The following TJP1 variants were observed in gnomAD, a reference collection of about 807,000 sequenced individuals.
TJP1 encodes the protein tight junction protein 1.
TJP1 carries 43 observed loss-of-function variants against 194.2 expected under a neutral mutation model. The observed-to-expected ratio is 0.22, with a 90% CI of 0.17 to 0.29. The LOEUF (loss-of-function observed/expected upper bound fraction) is 0.29, where lower values mean the gene tolerates loss of function less well. Ranked by LOEUF, TJP1 falls within the 10% of genes least tolerant of loss-of-function variation. The pLI is 1.00. For synonymous variants in TJP1, 801 were observed against 779.0 expected (o/e 1.03, Z -0.47); for missense variants, 1,971 against 2,185.7 (o/e 0.90, Z 1.96).
chr15:29,719,665 G>C (rs2042807035), intron 20 of TJP1, 112 bp downstream of exon 20: 1 of 1,365,834 alleles, frequency 7.3e-7, no homozygotes, highest in Middle Eastern at 1.9e-4. Context: ...GCATTACAGT[G>C]TATAAGCCTG....
intron 2 of TJP1, among the ~76,000 whole-genome samples, chr15:29,793,022 T>C (rs1336369509): frequency 6.6e-6 from 1 of 152,198 alleles, no homozygotes; most frequent in Non-Finnish European, 1.5e-5. Flanking sequence ...AGTCCTTAGG[T>C]TTTTCTAAAT....
Position 29,720,726 on chromosome 15 carries a change from A to G in TJP1, c.2413-18T>C, listed in dbSNP as rs748409791. 1.9e-6 allele frequency: 3 copies of G among 1,548,586 alleles called. 1 individual carries two copies. In the South Asian group the frequency reaches 3.7e-5, roughly 19 times the overall value. On this transcript the variant is annotated intron_variant, in intron 18 of 27. Coordinates refer to ENST00000614355, the MANE Select transcript of TJP1 (RefSeq NM_001330239.4). ...CCATCCGCCTGGGTCAAATAAAAGT[A>G]AATTACAAATTTTATTCAGTAGTTC...
upstream of TJP1, among the ~76,000 whole-genome samples, chr15:29,825,702 C>T (rs897339458): frequency 1.3e-5 from 2 of 152,006 alleles, no homozygotes; most frequent in African/African-American, 4.8e-5. Context: ...TATTTATTTA[C>T]GGTAGTGAAG....
intron 2 of TJP1, among the ~76,000 whole-genome samples, chr15:29,921,655 G>T (rs558124898): frequency 6.6e-6 from 1 of 152,172 alleles, no homozygotes; most frequent in South Asian, 2.1e-4. Context: ...CATCTTCCCG[G>T]ATAGCTCAGT....
Position 29,710,914 on chromosome 15 carries a change from G to A in TJP1, c.4289C>T (p.Pro1430Leu). The A allele has an allele frequency of 6.2e-7, 1 of 1,614,164 alleles. No individual in the cohort carries two copies. The highest frequency in any genetic ancestry group is 8.5e-7 in the Non-Finnish European group (1 of 1,180,024). ...TGGCTGGGCATACTGCGAGGGCAATGGAGGAGGAGGGGGAGTGGCCTGGAT... is the reference window on the plus strand; with the variant it reads ...TGGCTGGGCATACTGCGAGGGCAATAGAGGAGGAGGGGGAGTGGCCTGGAT... The part of the protein sequence containing the change: ...EPIQATPPPP[P>L]LPSQYAQPSQ... Residue 1430 changes from proline to leucine, a missense_variant, in exon 24 of 28, where the codon CCA becomes CTA. Around this residue, in one of 5 missense-constraint regions of TJP1, gnomAD observed 1,108 missense variants for 1,128.5 expected, o/e 0.98. Coordinates refer to ENST00000614355, the MANE Select transcript of TJP1 (RefSeq NM_001330239.4).
chr15:29,791,649 T>G lies in TJP1; in HGVS notation c.84+8997A>C, dbSNP rs1241146978. Among the ~76,000 whole-genome samples, 4 of 151,892 alleles carry G rather than the reference T, an allele frequency of 2.6e-5. No individual in the cohort carries two copies. The East Asian group carries it at 7.7e-4, about 29-fold the overall frequency. On this transcript the variant is annotated intron_variant, in intron 2 of 27. Coordinates refer to ENST00000614355, the MANE Select transcript of TJP1 (RefSeq NM_001330239.4). The stretch of plus-strand genomic sequence containing the variant: ...ACTTCATGACCCACCCACCTCGGCC[T>G]CCCAAAGTGCTGGGATTACAGGCGT...
At chr15:29,713,440 C>G (rs1057339083) in intron 23 of TJP1, among the ~76,000 whole-genome samples, 1 of 152,162 alleles carries the variant, frequency 6.6e-6, no homozygotes, top group African/African-American at 2.4e-5. Context: ...GGCATCTGTC[C>G]TGTGCTAACA....
intron 1 of TJP1, among the ~76,000 whole-genome samples, chr15:29,802,231 C>T (rs1156585613): frequency 1.3e-5 from 2 of 152,130 alleles, no homozygotes; most frequent in Non-Finnish European, 2.9e-5. Flanking sequence ...ACTATAAATG[C>T]CTATTTCATA....
chr15:29,898,924 A>G (rs752668418), intron 2 of TJP1, among the ~76,000 whole-genome samples: 1 of 152,234 alleles, frequency 6.6e-6, no homozygotes, highest in Non-Finnish European at 1.5e-5. Flanking sequence ...TAGATAACAG[A>G]GAAACTAAAA....
Position 29,748,105 on chromosome 15 carries a change from T to C in TJP1, c.1011-5324A>G, listed in dbSNP as rs555821702. Among the ~76,000 whole-genome samples, 3 of 152,308 alleles carry C rather than the reference T, an allele frequency of 2.0e-5. No individual in the cohort carries two copies. The South Asian group carries it at 6.2e-4, about 32-fold the overall frequency. ...AGTACTGTTTAAGAGAATTATAAAA[T>C]GAGCTGCTTACGTAATTAAAAATTT... On this transcript the variant is annotated intron_variant, in intron 8 of 27. Transcript: ENST00000614355.
intron 8 of TJP1, among the ~76,000 whole-genome samples, chr15:29,760,619 C>T (rs1051886574): frequency 7.9e-5 from 12 of 152,056 alleles, no homozygotes; most frequent in African/African-American, 2.4e-4. Flanking sequence ...TCAAGTGATC[C>T]GCCTGCCTCG....
At chr15:29,710,102 C>T (rs965893528) in intron 24 of TJP1, among the ~76,000 whole-genome samples, 7 of 151,592 alleles carry the variant, frequency 4.6e-5, no homozygotes, top group South Asian at 2.1e-4. Flanking sequence ...GCTGAGACTG[C>T]GCCACTGCAC....
intron 24 of TJP1, among the ~76,000 whole-genome samples, chr15:29,710,183 G>T (rs541419648): frequency 3.3e-5 from 5 of 151,988 alleles, no homozygotes; most frequent in Non-Finnish European, 7.4e-5. Context: ...CATAAGGACT[G>T]GAAAGTAAGA....
intron 2 of TJP1, among the ~76,000 whole-genome samples, chr15:29,781,596 A>T (rs1341500140): frequency 6.6e-6 from 1 of 152,242 alleles, no homozygotes; most frequent in Non-Finnish European, 1.5e-5. Context: ...ATCCAGCAGC[A>T]TATTAAAAAG....
chr15:29,706,590 C>T (rs980849578), intron 25 of TJP1, among the ~76,000 whole-genome samples: 2 of 152,152 alleles, frequency 1.3e-5, no homozygotes, highest in African/African-American at 4.8e-5. Flanking sequence ...TTTTATGAAG[C>T]ACATTTTAAA....
intron 2 of TJP1, among the ~76,000 whole-genome samples, chr15:29,923,981 T>G (rs540748024): frequency 6.6e-6 from 1 of 152,382 alleles, no homozygotes; most frequent in Non-Finnish European, 1.5e-5. Flanking sequence ...TATATTCATT[T>G]GTTACTCCAC....
chr15:29,759,909 T>A, intron 8 of TJP1: 1 of 339,890 alleles, frequency 2.9e-6, no homozygotes. Flanking sequence ...TTGTGAATAA[T>A]GCTGCAACAA....
At chr15:29,753,339 C>T (rs2151456195) in intron 8 of TJP1, among the ~76,000 whole-genome samples, 1 of 151,836 alleles carries the variant, frequency 6.6e-6, no homozygotes, top group East Asian at 1.9e-4. Context: ...AAAAAATTAG[C>T]CAGGCGTGGT....
intron 2 of TJP1, among the ~76,000 whole-genome samples, chr15:29,900,999 A>G (rs2053616919): frequency 6.6e-6 from 1 of 152,150 alleles, no homozygotes; most frequent in Non-Finnish European, 1.5e-5. Flanking sequence ...GTAGGTGACA[A>G]CAGAGTAGTG....
Sources: allele counts gnomAD v4.1 joint callset (sites outside exome capture counted in the v4.1 genomes callset), GRCh38; gene constraint gnomAD v4.1.1; regional missense constraint gnomAD v4.1.1; transcripts MANE v1.5; gene names NCBI Gene and HGNC (gene_info 2026-07-23, HGNC 2026-07-21).